Variants in NXPE2 observed in about 807,000 individuals in gnomAD.
The protein encoded by NXPE2 is neurexophilin and PC-esterase domain family member 2, also known as NXPE family member 2.
A neutral mutation model predicts 34.4 loss-of-function variants in NXPE2; 34 were observed. That is an observed-to-expected ratio of 0.99 (90% CI 0.75 to 1.31). NXPE2 has a LOEUF of 1.31. Ranked by LOEUF, NXPE2 falls within the 40% of genes most tolerant of loss-of-function variation. NXPE2 has a pLI of 0.00. For synonymous variants in NXPE2, 235 were observed against 231.3 expected (o/e 1.02, Z -0.15); for missense variants, 649 against 672.5 (o/e 0.97, Z 0.39).
At chr11:114,800,910 A>G in the NXPE2 span, among the ~76,000 whole-genome samples, 1 of 152,208 alleles carries the variant, frequency 6.6e-6, no homozygotes, top group Non-Finnish European at 1.5e-5. Context: ...CTACTGTTAC[A>G]GCATTCAACA....
chr11:114,580,399 T>G, the NXPE2 span: 1 of 1,447,464 alleles, frequency 6.9e-7, no homozygotes, highest in Non-Finnish European at 9.7e-7. Context: ...CAGTATGTAT[T>G]AAGAGCCTTC....
the NXPE2 span, among the ~76,000 whole-genome samples, chr11:114,476,014 C>T: frequency 6.6e-6 from 1 of 152,140 alleles, no homozygotes; most frequent in South Asian, 2.1e-4. Flanking sequence ...GACTGAAAAG[C>T]TAGCAGTGAA....
the NXPE2 span, among the ~76,000 whole-genome samples, chr11:114,714,851 G>A: frequency 1.2e-3 from 180 of 152,180 alleles, no homozygotes; most frequent in South Asian, 0.016. Context: ...GTGAAACTCC[G>A]TGCCTACTAA....
rs1565393451 is a variant in NXPE2 at position 114,707,011 on chromosome 11, G to T, written c.*81G>T. ...GCGAAGATAGTTTAATGCAATCCAAGTTTTGAGGAAACTAAATTTGAAAAA... is the reference window on the plus strand; with the variant it reads ...GCGAAGATAGTTTAATGCAATCCAATTTTTGAGGAAACTAAATTTGAAAAA... On this transcript the variant is annotated 3_prime_UTR_variant, in exon 6 of 6. Coordinates refer to ENST00000389586, the MANE Select transcript of NXPE2 (RefSeq NM_182495.6). The T allele has an allele frequency of 8.9e-7, 1 of 1,128,646 alleles. No individual in the cohort carries two copies. Among genetic ancestry groups the T allele is most frequent in the Non-Finnish European group, 1.2e-6 (1 of 819,268 alleles). 69.9% of individuals were successfully genotyped at this position (1,128,646 alleles called of 1,614,324 possible). A position where few individuals can be genotyped will look rare whatever the true frequency, so the allele number is the denominator to read the frequency against.
intron 2 of NXPE2, among the ~76,000 whole-genome samples, chr11:114,683,127 T>G (rs1190971795): frequency 1.3e-5 from 2 of 152,100 alleles, no homozygotes; most frequent in Admixed American, 6.5e-5. Context: ...CCTTTAATCA[T>G]AGAGAACTAG....
the NXPE2 span, among the ~76,000 whole-genome samples, chr11:114,653,526 G>A: frequency 7.4e-6 from 1 of 135,922 alleles, no homozygotes; most frequent in East Asian, 2.2e-4. Flanking sequence ...CCCTTGTCCT[G>A]CTTTCCCTTT....
chr11:114,735,681 C>G, the NXPE2 span, among the ~76,000 whole-genome samples: 1 of 152,158 alleles, frequency 6.6e-6, no homozygotes, highest in Non-Finnish European at 1.5e-5. Context: ...TAAAAAACTT[C>G]TAGCTTAACC....
intron 2 of NXPE2, among the ~76,000 whole-genome samples, chr11:114,684,291 G>T (rs1390314276): frequency 6.6e-6 from 1 of 152,174 alleles, no homozygotes; most frequent in South Asian, 2.1e-4. Context: ...GCTGGGCGTG[G>T]TGGTGGGCGC....
chr11:114,738,817 C>T, the NXPE2 span, among the ~76,000 whole-genome samples: 1 of 152,018 alleles, frequency 6.6e-6, no homozygotes, highest in African/African-American at 2.4e-5. Flanking sequence ...TAGAAGAAGC[C>T]TTCAGGATGT....
chr11:114,677,813 C>G (rs1196545161), upstream of NXPE2, among the ~76,000 whole-genome samples: 1 of 152,054 alleles, frequency 6.6e-6, no homozygotes, highest in Non-Finnish European at 1.5e-5. Context: ...TCTAGACACT[C>G]TCATGCAGAG....
At chr11:114,583,046 G>T in the NXPE2 span, 1 of 1,583,126 alleles carries the variant, frequency 6.3e-7, no homozygotes, top group South Asian at 1.2e-5. Flanking sequence ...AATGTGACAT[G>T]AGATGGATAA....
the NXPE2 span, among the ~76,000 whole-genome samples, chr11:114,719,754 C>T: frequency 1.5e-4 from 23 of 152,188 alleles, no homozygotes; most frequent in Admixed American, 9.8e-4. Flanking sequence ...GTTTCCTGGT[C>T]GTGTTTAGAG....
the NXPE2 span, among the ~76,000 whole-genome samples, chr11:114,800,480 G>A: frequency 6.6e-6 from 1 of 152,110 alleles, no homozygotes; most frequent in Admixed American, 6.5e-5. Flanking sequence ...TGCTTTTCCT[G>A]TAAAGTGCCT....
the NXPE2 span, among the ~76,000 whole-genome samples, chr11:114,602,225 G>T: frequency 1.9e-5 from 2 of 102,966 alleles, no homozygotes; most frequent in Non-Finnish European, 3.5e-5. Context: ...ATATGTTATA[G>T]ATTATATATT....
the NXPE2 span, among the ~76,000 whole-genome samples, chr11:114,800,704 A>G: frequency 6.6e-6 from 1 of 152,196 alleles, no homozygotes; most frequent in East Asian, 1.9e-4. Flanking sequence ...TTCAAAGCCC[A>G]CCAATTTTAC....
chr11:114,628,849 G>C, the NXPE2 span, among the ~76,000 whole-genome samples: 2 of 151,802 alleles, frequency 1.3e-5, no homozygotes, highest in Non-Finnish European at 2.9e-5. Context: ...TATCACCACC[G>C]ATCCCACAGA....
At chr11:114,809,136 T>C in the NXPE2 span, among the ~76,000 whole-genome samples, 1 of 151,958 alleles carries the variant, frequency 6.6e-6, no homozygotes, top group African/African-American at 2.4e-5. Flanking sequence ...TTTGACAAAA[T>C]TCAACAACCC....
the NXPE2 span, among the ~76,000 whole-genome samples, chr11:114,647,141 A>G: frequency 6.6e-6 from 1 of 152,194 alleles, no homozygotes; most frequent in African/African-American, 2.4e-5. Flanking sequence ...ATTAAATAAA[A>G]CTGCTAATTA....
At chr11:114,779,040 C>G in the NXPE2 span, among the ~76,000 whole-genome samples, 1 of 152,202 alleles carries the variant, frequency 6.6e-6, no homozygotes, top group South Asian at 2.1e-4. Flanking sequence ...TTCCCCCTCT[C>G]TCTGTAGCCA....
Sources: gnomAD v4.1 joint callset for allele counts (sites outside exome capture counted in the v4.1 genomes callset) on GRCh38, gnomAD v4.1.1 for gene constraint, MANE v1.5 for transcripts, NCBI Gene and HGNC (gene_info 2026-07-23, HGNC 2026-07-21) for gene names.